BLOC1S3: variants seen among roughly 807,000 people sequenced by gnomAD.
BLOC1S3 encodes biogenesis of lysosomal organelles complex 1 subunit 3.
A neutral mutation model predicts 9.1 loss-of-function variants in BLOC1S3; 7 were observed. The ratio of observed to expected loss-of-function variants is 0.77; its 90% CI spans 0.44 to 1.45. The LOEUF (loss-of-function observed/expected upper bound fraction) is 1.45. Among genes scored for constraint, BLOC1S3 ranks in the 40% most tolerant of loss-of-function variants. The pLI, the probability that BLOC1S3 is intolerant of heterozygous loss-of-function variation, is 0.01. For synonymous variants in BLOC1S3, 145 were observed against 158.4 expected (o/e 0.92, Z 0.64); for missense variants, 307 against 315.2 (o/e 0.97, Z 0.20).
chr19:45,213,395 C>T (rs1969800131), intron 3 of BLOC1S3: 2 of 1,603,530 alleles, frequency 1.2e-6, no homozygotes, highest in Admixed American at 3.5e-5. Flanking sequence ...TGCAGATCCC[C>T]AGCTCTAGAC....
At chr19:45,216,318 G>A (rs1969834651) in intron 3 of BLOC1S3, 1 of 1,354,782 alleles carries the variant, frequency 7.4e-7, no homozygotes, top group Non-Finnish European at 9.9e-7. Flanking sequence ...GCTCAAGCCT[G>A]TAATCCCAGC....
intron 2 of BLOC1S3, among the ~76,000 whole-genome samples, chr19:45,191,942 C>T (rs1052722111): frequency 2.0e-5 from 3 of 152,210 alleles, no homozygotes; most frequent in Non-Finnish European, 4.4e-5. Context: ...CACCTATGTC[C>T]ACTGAAGGCC....
chr19:45,208,536 G>A (rs1159389388), intron 3 of BLOC1S3, among the ~76,000 whole-genome samples: 1 of 151,442 alleles, frequency 6.6e-6, no homozygotes, highest in East Asian at 2.0e-4. Flanking sequence ...CAGATCACCT[G>A]ATGAGGTCAG....
chr19:45,192,803 C>T (rs765716380), intron 2 of BLOC1S3, among the ~76,000 whole-genome samples: 8 of 152,056 alleles, frequency 5.3e-5, no homozygotes, highest in Non-Finnish European at 8.8e-5. Flanking sequence ...AAAACAAAGA[C>T]CTCTTTATTC....
intron 2 of BLOC1S3, among the ~76,000 whole-genome samples, chr19:45,202,231 A>G (rs1009480677): frequency 1.4e-5 from 2 of 146,482 alleles, no homozygotes; most frequent in African/African-American, 5.3e-5. Flanking sequence ...AAAAAAAAAA[A>G]AAAAAAGACG....
At chr19:45,186,531 C>A (rs112998440), downstream of BLOC1S3, among the ~76,000 whole-genome samples, 2 of 152,242 alleles carry the variant, frequency 1.3e-5, no homozygotes, top group African/African-American at 4.8e-5. Context: ...ACGGTGAAAC[C>A]GTGTCTCTAC....
rs767819779 is a variant in BLOC1S3, at chr19:45,179,348, G to A, written c.52G>A (p.Val18Met). The A allele has an allele frequency of 7.6e-6, 12 of 1,587,262 alleles. No individual in the cohort carries two copies. The highest frequency in any genetic ancestry group is 9.4e-6 in the Non-Finnish European group (11 of 1,175,104). ...RRPLRRPETV[V>M]PGEATETDSE... ...GCCCCTGCGGAGGCCGGAGACGGTGGTGCCGGGGGAGGCGACCGAGACGGA... is the reference window on the plus strand; with the variant it reads ...GCCCCTGCGGAGGCCGGAGACGGTGATGCCGGGGGAGGCGACCGAGACGGA... Residue 18 changes from valine to methionine, a missense_variant, in exon 2 of 2, where the codon GTG becomes ATG. Transcript: ENST00000433642. This position sits in a 1 kb window ranked among gnomAD's most constrained non-coding sequence, Gnocchi z 4.6.
intron 2 of BLOC1S3, among the ~76,000 whole-genome samples, chr19:45,200,327 G>A (rs894521847): frequency 1.3e-5 from 2 of 151,840 alleles, no homozygotes; most frequent in African/African-American, 2.4e-5. Context: ...GACTACAGGC[G>A]CCTACCACCA....
chr19:45,182,959 G>C (rs925094101), downstream of BLOC1S3, among the ~76,000 whole-genome samples: 2 of 152,180 alleles, frequency 1.3e-5, no homozygotes, highest in African/African-American at 4.8e-5. Flanking sequence ...CTGGAGCTGA[G>C]CCCGGAAGGT....
At chr19:45,192,526 C>T (rs4458120) in intron 2 of BLOC1S3, among the ~76,000 whole-genome samples, 1 of 152,188 alleles carries the variant, frequency 6.6e-6, no homozygotes, top group Non-Finnish European at 1.5e-5. Context: ...AGGGAATATG[C>T]TGGGTCATAT....
Position 45,179,734 on chromosome 19 carries a change from G to A in BLOC1S3, c.438G>A (p.Leu146=). 1 of 1,460,928 alleles carries A rather than the reference G, an allele frequency of 6.8e-7. No individual in the cohort carries two copies. Among genetic ancestry groups the A allele is most frequent in the Non-Finnish European group, 9.0e-7 (1 of 1,115,312 alleles). 90.5% of individuals were successfully genotyped at this position (1,460,928 alleles called of 1,614,324 possible). The part of the protein sequence containing the change: ...GRDVAALASR[L]AAAQAAGLAA... The stretch of plus-strand genomic sequence containing the variant: ...ACGTGGCCGCCCTGGCTAGTAGGCT[G>A]GCGGCAGCCCAGGCGGCGGGGCTGG... Residue 146 remains leucine (L), a synonymous_variant, in exon 2 of 2, where the codon CTG becomes CTA. Coordinates refer to ENST00000433642, the MANE Select transcript of BLOC1S3 (RefSeq NM_212550.5). The surrounding 1 kb of genome is among the most constrained non-coding windows in gnomAD (Gnocchi z 4.6).
At chr19:45,216,181 G>C (rs1026885638) in intron 3 of BLOC1S3, 1 of 1,613,766 alleles carries the variant, frequency 6.2e-7, no homozygotes, top group East Asian at 2.2e-5. Flanking sequence ...ATCCAGCCAC[G>C]AGGCCTGGGA....
chr19:45,197,259 G>A (rs968233809), intron 2 of BLOC1S3, among the ~76,000 whole-genome samples: 1 of 152,046 alleles, frequency 6.6e-6, no homozygotes, highest in Non-Finnish European at 1.5e-5. Context: ...ACCAAGGTGG[G>A]AAGATTTGCT....
At position 45,179,942 on chromosome 19, in the gene BLOC1S3, G is replaced by T; in HGVS notation, c.*37G>T. 1 of 1,594,300 alleles carries T rather than the reference G, an allele frequency of 6.3e-7. No individual in the cohort carries two copies. Among genetic ancestry groups the T allele is most frequent in the Non-Finnish European group, 8.5e-7 (1 of 1,170,782 alleles). ...CTTCCCAACCTGACTGCAATTTGGG[G>T]GTAGGCCTTGCTGCCTCTGGGACCT... is the stretch of plus-strand genomic sequence containing the variant. On this transcript the variant is annotated 3_prime_UTR_variant, in exon 2 of 2. Coordinates refer to ENST00000433642, the MANE Select transcript of BLOC1S3 (RefSeq NM_212550.5). The surrounding 1 kb of genome is among the most constrained non-coding windows in gnomAD (Gnocchi z 4.6).
intron 3 of BLOC1S3, chr19:45,213,422 C>T (rs1373700631): frequency 2.3e-5 from 36 of 1,577,898 alleles, no homozygotes; most frequent in African/African-American, 1.4e-4. Flanking sequence ...CCAACCCAGC[C>T]GTGGACCCCA....
intron 2 of BLOC1S3, among the ~76,000 whole-genome samples, chr19:45,194,083 G>A (rs1190081245): frequency 9.8e-5 from 12 of 122,820 alleles, no homozygotes; most frequent in African/African-American, 2.5e-4. Flanking sequence ...GATTACAGGT[G>A]TGAGCCACCG....
chr19:45,178,784 A>T lies in BLOC1S3; in HGVS notation c.-57A>T, dbSNP rs116448245. On this transcript the variant is annotated 5_prime_UTR_variant, in exon 1 of 2. Transcript: ENST00000433642. ...TCAGCTGCCACGGTGAGAACGCAGCACTCGGGTTAGGAAGCGGATCTCGCA... is the reference window on the plus strand; with the variant it reads ...TCAGCTGCCACGGTGAGAACGCAGCTCTCGGGTTAGGAAGCGGATCTCGCA... The T allele has an allele frequency of 0.012, 1,874 of 157,418 alleles. 40 individuals carry two copies. Among genetic ancestry groups the T allele is most frequent in the African/African-American group, 0.042 (1,734 of 41,690 alleles). 9.8% of individuals were successfully genotyped at this position (157,418 alleles called of 1,614,324 possible). A position where few individuals can be genotyped will look rare whatever the true frequency, so the allele number is the denominator to read the frequency against.
At chr19:45,195,200 C>T (rs1489711968) in intron 2 of BLOC1S3, among the ~76,000 whole-genome samples, 1 of 151,652 alleles carries the variant, frequency 6.6e-6, no homozygotes, top group Non-Finnish European at 1.5e-5. Context: ...TGAGCCACCG[C>T]GCCTGGCCAA....
upstream of BLOC1S3, chr19:45,187,344 C>G (rs1969573023): frequency 6.6e-6 from 1 of 152,388 alleles, no homozygotes; most frequent in Non-Finnish European, 1.5e-5. Context: ...GGCTTCACAG[C>G]AGGACCACAG....
Sources: allele counts gnomAD v4.1 joint callset (sites outside exome capture counted in the v4.1 genomes callset), GRCh38; gene constraint gnomAD v4.1.1; non-coding constraint Gnocchi (gnomAD v3.1); transcripts MANE v1.5; gene names NCBI Gene and HGNC (gene_info 2026-07-23, HGNC 2026-07-21).